Variants in KYAT3 observed in about 807,000 individuals in gnomAD.
KYAT3 encodes kynurenine aminotransferase 3, also known as kynurenine--oxoglutarate transaminase 3.
KYAT3 carries 50 observed loss-of-function variants against 59.0 expected under a neutral mutation model. That is an observed-to-expected ratio of 0.85 (90% CI 0.68 to 1.07). The LOEUF (loss-of-function observed/expected upper bound fraction) is 1.07, where lower values mean the gene tolerates loss of function less well. KYAT3 is among the 50% of genes least tolerant of loss of function. The pLI is 0.00. For missense variants in KYAT3, 497 were observed against 533.3 expected (o/e 0.93, Z 0.67); for synonymous variants, 148 against 177.0 (o/e 0.84, Z 1.30).
chr1:88,976,786 G>C (rs1354956055), intron 2 of KYAT3, among the ~76,000 whole-genome samples: 1 of 151,986 alleles, frequency 6.6e-6, no homozygotes, highest in Non-Finnish European at 1.5e-5. Context: ...TCATCGGTAG[G>C]TCTAGGCTAA....
rs1677839345 is a variant in KYAT3 at position 88,992,125 on chromosome 1, C to A, written c.-2+460G>T. ...TCCCGAGTAGCTGGGACTACAGGCG[C>A]CCGCCACCACGCCCGGCTAATTTTT... is the stretch of plus-strand genomic sequence containing the variant. On this transcript the variant is annotated intron_variant, in intron 1 of 13. Coordinates refer to ENST00000260508, the MANE Select transcript of KYAT3 (RefSeq NM_001008661.3). Among the ~76,000 whole-genome samples, 4 of 152,082 alleles carry A rather than the reference C, an allele frequency of 2.6e-5. No individual in the cohort carries two copies. In the South Asian group the frequency reaches 8.3e-4, roughly 32 times the overall value.
intron 2 of KYAT3, among the ~76,000 whole-genome samples, chr1:88,974,757 C>T (rs754176592): frequency 3.3e-5 from 5 of 152,084 alleles, no homozygotes; most frequent in South Asian, 2.1e-4. Context: ...CACCAATCAG[C>T]GCTCTGGGTC....
intron 2 of KYAT3, among the ~76,000 whole-genome samples, chr1:88,974,146 C>T (rs550467413): frequency 5.3e-5 from 8 of 152,256 alleles, no homozygotes; most frequent in South Asian, 2.1e-4. Flanking sequence ...TACCACACTT[C>T]GGGACCAGGA....
At chr1:88,979,515 A>C (rs1315914810) in intron 2 of KYAT3, 1 of 152,254 alleles carries the variant, frequency 6.6e-6, no homozygotes, top group Non-Finnish European at 1.5e-5. Context: ...CAATAAGACA[A>C]ACAATCCAAT....
intron 1 of KYAT3, among the ~76,000 whole-genome samples, chr1:88,991,869 T>C (rs559258742): frequency 2.0e-5 from 3 of 152,238 alleles, no homozygotes; most frequent in African/African-American, 4.8e-5. Flanking sequence ...GAAGGAAGGA[T>C]TTCTGCGCCA....
At chr1:88,986,838 C>T (rs1246966628) in intron 2 of KYAT3, among the ~76,000 whole-genome samples, 1 of 152,170 alleles carries the variant, frequency 6.6e-6, no homozygotes, top group Non-Finnish European at 1.5e-5. Flanking sequence ...TTTTGTAACA[C>T]TGGCCAGTGT....
chr1:88,931,394 C>T (rs983191421), downstream of KYAT3, among the ~76,000 whole-genome samples: 10 of 152,140 alleles, frequency 6.6e-5, no homozygotes, highest in African/African-American at 1.4e-4. Context: ...AGATCTACTG[C>T]GGACCCCTGG....
intron 2 of KYAT3, among the ~76,000 whole-genome samples, chr1:88,977,206 T>C (rs1676825967): frequency 6.6e-6 from 1 of 151,286 alleles, no homozygotes; most frequent in South Asian, 2.1e-4. Flanking sequence ...AAAAAATTGA[T>C]TTTTATTTTT....
At chr1:88,984,957 CAT>C (rs1488383349) in intron 2 of KYAT3, among the ~76,000 whole-genome samples, 6 of 152,354 alleles carry the variant, frequency 3.9e-5, no homozygotes, top group Admixed American at 6.5e-5. Flanking sequence ...CTTCATATCA[CAT>C]GAGTGAAATA....
intron 2 of KYAT3, 103 bp from the exon 3 acceptor site, chr1:88,969,570 A>G: frequency 1.5e-6 from 1 of 660,464 alleles, no homozygotes; most frequent in Non-Finnish European, 2.7e-6. Flanking sequence ...TACCATGTAA[A>G]TAGTAGTTCC....
chr1:88,953,820 C>A (rs576540406), intron 9 of KYAT3, among the ~76,000 whole-genome samples: 18 of 152,044 alleles, frequency 1.2e-4, no homozygotes, highest in African/African-American at 4.1e-4. Flanking sequence ...TGAAAGAGGG[C>A]CTAAGGGACT....
chr1:88,924,307 T>C, the KYAT3 span, among the ~76,000 whole-genome samples: 1 of 152,336 alleles, frequency 6.6e-6, no homozygotes, highest in South Asian at 2.1e-4. Context: ...TGAGGCATAA[T>C]TTATACTCCA....
At chr1:88,984,204 CTTTT>C (rs908183722) in intron 2 of KYAT3, 186 of 81,718 alleles carry the variant, frequency 2.3e-3, no homozygotes, top group South Asian at 0.011. Context: ...TTTTTTGTTG[CTTTT>C]TTTTTTTTTT....
intron 1 of KYAT3, among the ~76,000 whole-genome samples, chr1:88,990,782 G>C (rs1010904744): frequency 2.6e-5 from 4 of 152,128 alleles, no homozygotes; most frequent in Admixed American, 2.0e-4. Context: ...CAGAACCTTT[G>C]AATCAAGCTA....
chr1:88,965,552 TAGG>T (rs372229094), intron 4 of KYAT3, among the ~76,000 whole-genome samples: 3 of 152,190 alleles, frequency 2.0e-5, no homozygotes, highest in African/African-American at 7.2e-5. Flanking sequence ...ACTACTTTCA[TAGG>T]AGAAGTGAAG....
intron 2 of KYAT3, among the ~76,000 whole-genome samples, chr1:88,973,712 G>A (rs1397662933): frequency 6.6e-6 from 1 of 152,120 alleles, no homozygotes; most frequent in Non-Finnish European, 1.5e-5. Context: ...TGAAGTTCTA[G>A]AAATTCACCA....
At chr1:88,927,658 A>G in the KYAT3 span, among the ~76,000 whole-genome samples, 769 of 152,236 alleles carry the variant, frequency 5.1e-3, 10 homozygotes, top group African/African-American at 0.017. Context: ...TTCCCCGATT[A>G]TGCCCCCTCC....
intron 11 of KYAT3, among the ~76,000 whole-genome samples, chr1:88,947,576 G>T (rs763398351): frequency 1.3e-5 from 2 of 152,158 alleles, no homozygotes; most frequent in Admixed American, 6.5e-5. Context: ...TTAACATCAG[G>T]CCATCTGCCA....
chr1:88,988,020 G>A (rs978078701), intron 2 of KYAT3, among the ~76,000 whole-genome samples: 1 of 152,156 alleles, frequency 6.6e-6, no homozygotes, highest in Non-Finnish European at 1.5e-5. Flanking sequence ...GTTTTGTGAA[G>A]ACAAAATGAG....
Sources: gnomAD v4.1 joint callset for allele counts (sites outside exome capture counted in the v4.1 genomes callset) on GRCh38, gnomAD v4.1.1 for gene constraint, MANE v1.5 for transcripts, NCBI Gene and HGNC (gene_info 2026-07-23, HGNC 2026-07-21) for gene names.